The following LNPK variants were observed in gnomAD, a reference collection of about 807,000 sequenced individuals.
LNPK encodes lunapark, ER junction formation factor.
Under a neutral mutation model 55.2 loss-of-function variants are expected in LNPK, and 29 were observed. The ratio of observed to expected loss-of-function variants is 0.53; its 90% CI spans 0.39 to 0.72. The LOEUF (loss-of-function observed/expected upper bound fraction) is 0.72. LNPK is among the 30% of genes least tolerant of loss of function. The pLI is 0.00. For missense variants in LNPK, 467 were observed against 494.8 expected (o/e 0.94, Z 0.53); for synonymous variants, 162 against 168.2 (o/e 0.96, Z 0.29).
At chr2:175,966,225 G>A (rs1010232132) in intron 6 of LNPK, among the ~76,000 whole-genome samples, 3 of 152,004 alleles carry the variant, frequency 2.0e-5, no homozygotes, top group Admixed American at 1.3e-4. Flanking sequence ...CACCACACCC[G>A]GCTAGTTTTT....
At chr2:175,950,209 T>C (rs1559039064) in intron 8 of LNPK, among the ~76,000 whole-genome samples, 1 of 152,028 alleles carries the variant, frequency 6.6e-6, no homozygotes, top group Non-Finnish European at 1.5e-5. Flanking sequence ...TATATTAGGT[T>C]TAAATTCAAA....
chr2:175,971,360 T>C (rs907152640), intron 5 of LNPK, among the ~76,000 whole-genome samples: 4 of 152,140 alleles, frequency 2.6e-5, no homozygotes, highest in Admixed American at 6.5e-5. Flanking sequence ...TGCCCGCTTA[T>C]ATAGGTTGGC....
intron 8 of LNPK, among the ~76,000 whole-genome samples, chr2:175,951,375 C>T (rs1429098763): frequency 6.6e-6 from 1 of 151,682 alleles, no homozygotes; most frequent in African/African-American, 2.4e-5. Flanking sequence ...CCCCTTCCCG[C>T]CCTTTCCCCT....
rs370430497 is a variant in LNPK, at chr2:175,972,576, G to A, written c.317-1772C>T. Among the ~76,000 whole-genome samples, 522 of 152,220 alleles carry A rather than the reference G, an allele frequency of 3.4e-3. 15 individuals are homozygous for A. In the South Asian group the frequency reaches 0.072, roughly 21 times the overall value. On this transcript the variant is annotated intron_variant, in intron 5 of 12. Transcript: ENST00000272748. Reference sequence around the variant, plus strand: ...GGAAAAGAATGTAATACTTTCAGGGGTGGATAACATTTCACTTAATTGAGG... The same window carrying A: ...GGAAAAGAATGTAATACTTTCAGGGATGGATAACATTTCACTTAATTGAGG...
At chr2:175,977,246 G>A (rs1489307167) in intron 5 of LNPK, among the ~76,000 whole-genome samples, 2 of 152,166 alleles carry the variant, frequency 1.3e-5, no homozygotes, top group South Asian at 2.1e-4. Flanking sequence ...GAGATGTACT[G>A]TCTAATGTAT....
At chr2:175,939,312 C>T (rs1226859963) in intron 10 of LNPK, among the ~76,000 whole-genome samples, 1 of 152,052 alleles carries the variant, frequency 6.6e-6, no homozygotes, top group East Asian at 1.9e-4. Flanking sequence ...TGAAATAATC[C>T]AGTTTCTCTA....
intron 12 of LNPK, among the ~76,000 whole-genome samples, chr2:175,931,106 T>C (rs953366513): frequency 6.6e-6 from 1 of 152,172 alleles, no homozygotes; most frequent in East Asian, 1.9e-4. Context: ...GATAAAAATC[T>C]AGCTTTAAGG....
intron 6 of LNPK, 111 bp downstream of exon 6, chr2:175,970,653 T>C: frequency 3.7e-6 from 2 of 535,096 alleles, no homozygotes; most frequent in Non-Finnish European, 2.8e-6. Context: ...TAAAATGCTA[T>C]CTAAAAGCAT....
chr2:175,970,990 T>G (rs1417406224), intron 5 of LNPK, among the ~76,000 whole-genome samples, 186 bp from the exon 6 acceptor site: 1 of 152,116 alleles, frequency 6.6e-6, no homozygotes, highest in Non-Finnish European at 1.5e-5. Context: ...TTGCCTGTAT[T>G]ATATATTATA....
At chr2:175,995,410 T>A in intron 2 of LNPK, 148 bp downstream of exon 2, 1 of 532,946 alleles carries the variant, frequency 1.9e-6, no homozygotes, top group Non-Finnish European at 3.3e-6. Flanking sequence ...AATAAAAAAA[T>A]AGAAAAGTAA....
In LNPK at chr2:175,999,673, C is replaced by T. The variant is rs532782330; in HGVS notation, c.-63+2487G>A. On this transcript the variant is annotated intron_variant, in intron 1 of 12. Coordinates refer to ENST00000272748, the MANE Select transcript of LNPK (RefSeq NM_030650.3). ...CAAGTGACTTTTCTCCAAGAACTCT[C>T]CCATGAACATGTACAGAGTGTTTCT... 2.0e-5 allele frequency among the ~76,000 whole-genome samples: 3 copies of T among 152,312 alleles called. 1 individual carries two copies. The highest frequency in any genetic ancestry group is 7.2e-5 in the African/African-American group (3 of 41,566).
chr2:175,969,895 C>CTTT (rs1686572551), intron 6 of LNPK, among the ~76,000 whole-genome samples: 1 of 152,098 alleles, frequency 6.6e-6, no homozygotes, highest in Non-Finnish European at 1.5e-5. Flanking sequence ...ACTTAAAGCC[C>CTTT]TTAAAACCAG....
At chr2:175,990,384 C>T (rs1687649008) in intron 4 of LNPK, among the ~76,000 whole-genome samples, 1 of 152,172 alleles carries the variant, frequency 6.6e-6, no homozygotes, top group Non-Finnish European at 1.5e-5. Context: ...TCACCTTCTG[C>T]CAAGAATGAA....
Position 175,989,702 on chromosome 2 carries a change from T to C in LNPK, c.257+2529A>G, listed in dbSNP as rs79951210. Reference sequence around the variant, plus strand: ...CCTTAATGACTCCTACAAAATAAATTTGGCATTTATATTATGATTTAAGTT... The same window carrying C: ...CCTTAATGACTCCTACAAAATAAATCTGGCATTTATATTATGATTTAAGTT... On this transcript the variant is annotated intron_variant, in intron 4 of 12. Transcript: ENST00000272748. Among the ~76,000 whole-genome samples the C allele has an allele frequency of 5.4e-3, 824 of 152,228 alleles. 6 individuals are homozygous for C. Among genetic ancestry groups the C allele is most frequent in the African/African-American group, 0.019 (787 of 41,522 alleles).
At chr2:175,957,601 C>A (rs538640459) in intron 8 of LNPK, among the ~76,000 whole-genome samples, 173 of 152,054 alleles carry the variant, frequency 1.1e-3, no homozygotes, top group African/African-American at 3.8e-3. Context: ...CCAAGATGCC[C>A]GAATAGGAAC....
chr2:175,949,406 AACT>A (rs1685297109), intron 8 of LNPK, among the ~76,000 whole-genome samples: 1 of 152,162 alleles, frequency 6.6e-6, no homozygotes, highest in South Asian at 2.1e-4. Flanking sequence ...TGATAATTTA[AACT>A]ACTCATTTAA....
chr2:175,987,853 T>G (rs1687501061), intron 4 of LNPK, among the ~76,000 whole-genome samples: 1 of 152,216 alleles, frequency 6.6e-6, no homozygotes, highest in East Asian at 1.9e-4. Flanking sequence ...TAAAAAAATA[T>G]GTGTCCTAGC....
upstream of LNPK, chr2:176,002,365 C>T: frequency 2.7e-6 from 1 of 375,210 alleles, no homozygotes; most frequent in South Asian, 1.9e-5. Flanking sequence ...CGTGACCGTA[C>T]CCTGGGCGGG....
At chr2:175,956,717 G>A (rs1574844099) in intron 8 of LNPK, among the ~76,000 whole-genome samples, 1 of 152,108 alleles carries the variant, frequency 6.6e-6, no homozygotes, top group African/African-American at 2.4e-5. Flanking sequence ...CCTTTTGACT[G>A]TCCATCACTA....
Sources: gnomAD v4.1 joint callset for allele counts (sites outside exome capture counted in the v4.1 genomes callset) on GRCh38, gnomAD v4.1.1 for gene constraint, MANE v1.5 for transcripts, NCBI Gene and HGNC (gene_info 2026-07-23, HGNC 2026-07-21) for gene names.